Variants in ENTREP2 observed in about 807,000 individuals in gnomAD.
ENTREP2 encodes the protein endosomal transmembrane epsin interactor 2.
At chr15:29,433,764 C>A in the ENTREP2 span, among the ~76,000 whole-genome samples, 3 of 131,508 alleles carry the variant, frequency 2.3e-5, no homozygotes, top group African/African-American at 3.0e-5. Flanking sequence ...AGACACCAAA[C>A]ACAGACTCCT....
At chr15:29,236,398 C>A in the ENTREP2 span, among the ~76,000 whole-genome samples, 2 of 151,996 alleles carry the variant, frequency 1.3e-5, no homozygotes, top group African/African-American at 2.4e-5. Context: ...GTAATCCTAG[C>A]ACTTTTGGAG....
the ENTREP2 span, among the ~76,000 whole-genome samples, chr15:29,222,956 G>T: frequency 6.6e-6 from 1 of 152,238 alleles, no homozygotes; most frequent in African/African-American, 2.4e-5. Context: ...CTATACAGGA[G>T]AAAACTGCTC....
chr15:29,186,123 A>T, the ENTREP2 span, among the ~76,000 whole-genome samples: 4 of 152,164 alleles, frequency 2.6e-5, no homozygotes, highest in East Asian at 7.7e-4. Flanking sequence ...TAGAGTGTGA[A>T]AATGGGTCTA....
the ENTREP2 span, among the ~76,000 whole-genome samples, chr15:29,571,463 T>G: frequency 6.6e-6 from 1 of 151,198 alleles, no homozygotes; most frequent in East Asian, 1.9e-4. Context: ...GCCTCTTGAA[T>G]GCAAAAATCC....
chr15:29,651,826 T>C, the ENTREP2 span, among the ~76,000 whole-genome samples: 3 of 152,228 alleles, frequency 2.0e-5, no homozygotes, highest in Admixed American at 6.5e-5. Context: ...GGCAGCTTGG[T>C]GCTGGCCTGC....
the ENTREP2 span, among the ~76,000 whole-genome samples, chr15:29,673,953 G>C: frequency 1.3e-5 from 2 of 152,226 alleles, no homozygotes; most frequent in Non-Finnish European, 2.9e-5. Flanking sequence ...TACCCGTCCT[G>C]TTGCTGTGTG....
At chr15:29,262,679 CGTAA>C in the ENTREP2 span, among the ~76,000 whole-genome samples, 2 of 152,198 alleles carry the variant, frequency 1.3e-5, no homozygotes, top group Non-Finnish European at 2.9e-5. Flanking sequence ...AACCAGTAAA[CGTAA>C]GTGTTTCCCT....
At chr15:29,160,082 A>G in the ENTREP2 span, among the ~76,000 whole-genome samples, 2 of 152,220 alleles carry the variant, frequency 1.3e-5, no homozygotes, top group Non-Finnish European at 2.9e-5. Context: ...AAGGCAGCTA[A>G]GGCCCGGTGA....
chr15:29,391,890 G>C, the ENTREP2 span, among the ~76,000 whole-genome samples: 1 of 152,132 alleles, frequency 6.6e-6, no homozygotes, highest in Non-Finnish European at 1.5e-5. Flanking sequence ...AGTGACACGA[G>C]CTCGGCTCAC....
chr15:29,570,983 C>T, the ENTREP2 span, among the ~76,000 whole-genome samples: 2 of 145,292 alleles, frequency 1.4e-5, no homozygotes, highest in South Asian at 2.1e-4. Context: ...GCGCCCTCCC[C>T]CGCCCGCCCC....
At chr15:29,328,576 A>G in the ENTREP2 span, among the ~76,000 whole-genome samples, 4 of 152,248 alleles carry the variant, frequency 2.6e-5, no homozygotes, top group Admixed American at 2.6e-4. Context: ...GTAATACTAA[A>G]GGCCAAAGAA....
chr15:29,327,376 C>T, the ENTREP2 span, among the ~76,000 whole-genome samples: 13 of 152,000 alleles, frequency 8.6e-5, no homozygotes, highest in East Asian at 1.9e-4. Context: ...GGGAGGATCA[C>T]GAGATTAGGA....
chr15:29,352,810 T>C, the ENTREP2 span, among the ~76,000 whole-genome samples: 509 of 152,370 alleles, frequency 3.3e-3, 5 homozygotes, highest in African/African-American at 0.011. Context: ...CCTTCAGACA[T>C]CTTTTAGAAT....
At chr15:29,271,813 C>T in the ENTREP2 span, among the ~76,000 whole-genome samples, 1 of 152,150 alleles carries the variant, frequency 6.6e-6, no homozygotes, top group Non-Finnish European at 1.5e-5. Flanking sequence ...TAAAGCCCTT[C>T]CTTGTGCAAC....
the ENTREP2 span, among the ~76,000 whole-genome samples, chr15:29,251,357 C>G: frequency 1.3e-5 from 2 of 152,180 alleles, no homozygotes; most frequent in Admixed American, 1.3e-4. Context: ...CCAGATGTAC[C>G]TATTACAGTA....
chr15:29,302,975 G>A, the ENTREP2 span, among the ~76,000 whole-genome samples: 1 of 152,050 alleles, frequency 6.6e-6, no homozygotes, highest in African/African-American at 2.4e-5. Flanking sequence ...TGATCCCAGC[G>A]ACCCCAGACC....
the ENTREP2 span, among the ~76,000 whole-genome samples, chr15:29,439,289 ACACACACACACACACAC>A: frequency 4.1e-5 from 4 of 98,602 alleles, no homozygotes; most frequent in Admixed American, 1.1e-4. Context: ...GGAATTACAC[ACACACACACACACACAC>A]ACACACACAC....
chr15:29,421,436 C>T, the ENTREP2 span, among the ~76,000 whole-genome samples: 1 of 152,130 alleles, frequency 6.6e-6, no homozygotes, highest in South Asian at 2.1e-4. Flanking sequence ...TCAAAGATAG[C>T]AGAATTTGTA....
At chr15:29,589,509 C>T in the ENTREP2 span, among the ~76,000 whole-genome samples, 1 of 152,108 alleles carries the variant, frequency 6.6e-6, no homozygotes, top group African/African-American at 2.4e-5. Flanking sequence ...TGTCTTCATT[C>T]GTCACGGAGA....
Sources: allele counts gnomAD v4.1 joint callset (sites outside exome capture counted in the v4.1 genomes callset), GRCh38; gene constraint gnomAD v4.1.1; transcripts MANE v1.5; gene names NCBI Gene and HGNC (gene_info 2026-07-23, HGNC 2026-07-21).